The following L3MBTL3 variants were observed in gnomAD, a reference collection of about 807,000 sequenced individuals.
L3MBTL3 encodes lethal(3)malignant brain tumor-like protein 3.
In L3MBTL3, 27 loss-of-function variants were observed where a neutral mutation model predicts 102.3. The observed-to-expected ratio is 0.26, with a 90% CI of 0.19 to 0.36. The LOEUF (loss-of-function observed/expected upper bound fraction) is 0.36. Among genes scored for constraint, L3MBTL3 ranks in the 10% least tolerant of loss-of-function variants. The pLI is 1.00. For missense variants in L3MBTL3, 798 were observed against 955.3 expected (o/e 0.84, Z 2.17); for synonymous variants, 340 against 320.9 (o/e 1.06, Z -0.64).
chr6:130,099,134 A>G (rs1784535978), intron 18 of L3MBTL3, among the ~76,000 whole-genome samples: 1 of 152,158 alleles, frequency 6.6e-6, no homozygotes. Flanking sequence ...TAGAGGAGCC[A>G]GTGGGGCAAG....
intron 2 of L3MBTL3, among the ~76,000 whole-genome samples, chr6:130,033,499 G>A (rs910370548): frequency 6.6e-6 from 1 of 152,164 alleles, no homozygotes; most frequent in Non-Finnish European, 1.5e-5. Flanking sequence ...CTGCATAGTT[G>A]TCATTTTTGT....
chr6:130,131,673 A>C (rs1787058247), intron 20 of L3MBTL3, among the ~76,000 whole-genome samples: 1 of 152,178 alleles, frequency 6.6e-6, no homozygotes. Context: ...ATGGTTGCCC[A>C]TTTTTGTGGT....
intron 14 of L3MBTL3, among the ~76,000 whole-genome samples, chr6:130,082,592 T>A (rs920023481): frequency 1.2e-4 from 18 of 152,162 alleles, no homozygotes; most frequent in South Asian, 2.1e-4. Context: ...TTTTGAGAAC[T>A]TCTTATTTTC....
intron 15 of L3MBTL3, 141 bp from the exon 16 acceptor site, chr6:130,085,999 C>T (rs943232006): frequency 1.2e-5 from 7 of 579,930 alleles, no homozygotes; most frequent in East Asian, 3.4e-5. Context: ...GTGATCCGCC[C>T]GCCTCAGCCT....
chr6:130,029,827 C>T (rs1283948182), intron 2 of L3MBTL3, among the ~76,000 whole-genome samples: 3 of 152,102 alleles, frequency 2.0e-5, no homozygotes, highest in Non-Finnish European at 4.4e-5. Flanking sequence ...CTGCCCTGCC[C>T]TCCTCTTTTT....
At chr6:130,052,304 A>G (rs1781155634) in intron 6 of L3MBTL3, among the ~76,000 whole-genome samples, 1 of 151,522 alleles carries the variant, frequency 6.6e-6, no homozygotes, top group Non-Finnish European at 1.5e-5. Context: ...ACGGGGTTTC[A>G]CCATGTTAGC....
At chr6:130,062,912 C>T (rs9375701) in intron 10 of L3MBTL3, among the ~76,000 whole-genome samples, 81,308 of 150,654 alleles carry the variant, frequency 0.54, 25,241 homozygotes, top group East Asian at 0.76. Flanking sequence ...ACATCTAAAT[C>T]TTTGATGCTT....
intron 18 of L3MBTL3, among the ~76,000 whole-genome samples, chr6:130,101,565 C>A (rs960241744): frequency 2.0e-5 from 3 of 152,180 alleles, no homozygotes; most frequent in Non-Finnish European, 4.4e-5. Context: ...GAAGGCAGGT[C>A]AGACCTTGCG....
At chr6:130,060,555 A>G (rs987896886) in intron 10 of L3MBTL3, among the ~76,000 whole-genome samples, 2 of 152,050 alleles carry the variant, frequency 1.3e-5, no homozygotes, top group Admixed American at 6.5e-5. Context: ...TATATATCTC[A>G]GTCTAATATA....
chr6:130,053,987 TAA>T (rs1781286817), intron 7 of L3MBTL3, among the ~76,000 whole-genome samples: 1 of 152,240 alleles, frequency 6.6e-6, no homozygotes, highest in Non-Finnish European at 1.5e-5. Flanking sequence ...CACCTAGTGA[TAA>T]GTGCTACGTT....
At chr6:130,058,149 C>CAAAAAAAAAA (rs61250078) in intron 9 of L3MBTL3, among the ~76,000 whole-genome samples, 10 of 89,146 alleles carry the variant, frequency 1.1e-4, no homozygotes, top group African/African-American at 1.2e-4. Flanking sequence ...GACTCCGTCT[C>CAAAAAAAAAA]AAAAAAAAAA....
chr6:130,086,325 T>A, intron 16 of L3MBTL3, 75 bp downstream of exon 16: 3 of 967,706 alleles, frequency 3.1e-6, no homozygotes, highest in Non-Finnish European at 4.8e-6. Context: ...GGTAGATACT[T>A]AACTTGTGAA....
At chr6:130,123,502 C>G (rs984522941) in intron 20 of L3MBTL3, among the ~76,000 whole-genome samples, 1 of 151,980 alleles carries the variant, frequency 6.6e-6, no homozygotes, top group Non-Finnish European at 1.5e-5. Flanking sequence ...TGAGATTGGC[C>G]TATAATGTTC....
In L3MBTL3 at chr6:130,051,334, G is replaced by A. The variant is rs1366971658; in HGVS notation, c.375G>A (p.Gln125=). Residue 125 remains glutamine, a synonymous_variant, in exon 6 of 23, where the codon CAG becomes CAA. Coordinates refer to ENST00000361794, the MANE Select transcript of L3MBTL3 (RefSeq NM_032438.4). ...EGLQFCENCC[Q]YGNVDECLSG... ...TTCAGTTCTGTGAGAACTGTTGTCA[G>A]TATGGCAACGTAGATGAGTGTCTTT... is the stretch of plus-strand genomic sequence containing the variant. 3.1e-6 allele frequency: 5 copies of A among 1,613,154 alleles called. No homozygotes were observed. In the African/African-American group the frequency reaches 6.7e-5, roughly 22 times the overall value.
At chr6:130,060,173 A>G in intron 10 of L3MBTL3, 33 bp downstream of exon 10, 1 of 1,325,562 alleles carries the variant, frequency 7.5e-7, no homozygotes, top group Non-Finnish European at 1.1e-6. Flanking sequence ...TTTTTAAAAT[A>G]AAATGGTGAT....
chr6:130,124,309 G>C (rs1786448136), intron 20 of L3MBTL3, among the ~76,000 whole-genome samples: 1 of 152,140 alleles, frequency 6.6e-6, no homozygotes, highest in African/African-American at 2.4e-5. Context: ...GGTTCTGAAG[G>C]GCGCAAAGAA....
intron 7 of L3MBTL3, 160 bp from the exon 8 acceptor site, chr6:130,055,011 C>A: frequency 1.6e-6 from 1 of 610,648 alleles, no homozygotes. Flanking sequence ...AGGCCAAAAG[C>A]AACAGTTTTC....
chr6:130,070,068 T>G (rs1029160346), intron 12 of L3MBTL3, among the ~76,000 whole-genome samples: 3 of 152,240 alleles, frequency 2.0e-5, no homozygotes, highest in African/African-American at 7.2e-5. Context: ...TAGAATAATA[T>G]CTGTATAATT....
At position 130,040,617 on chromosome 6, in the gene L3MBTL3, G is replaced by A. The variant is rs538602346; in HGVS notation, c.-15-2068G>A. On this transcript the variant is annotated intron_variant, in intron 2 of 22. Coordinates refer to ENST00000361794, the MANE Select transcript of L3MBTL3 (RefSeq NM_032438.4). ...CAAAATCCTGATTTTTCTCTTGAAG[G>A]TTCAAATTTAATTGGCAGCTACAAA... Among the ~76,000 whole-genome samples, 31 of 152,254 alleles carry A rather than the reference G, an allele frequency of 2.0e-4. No individual in the cohort carries two copies. The South Asian group carries it at 2.3e-3, about 11-fold the overall frequency.
Sources: gnomAD v4.1 joint callset for allele counts (sites outside exome capture counted in the v4.1 genomes callset) on GRCh38, gnomAD v4.1.1 for gene constraint, MANE v1.5 for transcripts, NCBI Gene and HGNC (gene_info 2026-07-23, HGNC 2026-07-21) for gene names.